AFG2A: variants seen among roughly 807,000 people sequenced by gnomAD.
AFG2A encodes the protein AAA ATPase AFG2A, also known as ATPase family gene 2 protein homolog A.
chr4:122,936,031 G>A, the AFG2A span: 8 of 1,404,886 alleles, frequency 5.7e-6, no homozygotes, highest in East Asian at 7.2e-5. Flanking sequence ...GAAAATTTAG[G>A]TTAGCTTTTA....
the AFG2A span, among the ~76,000 whole-genome samples, chr4:123,192,983 T>C: frequency 6.6e-6 from 1 of 152,234 alleles, no homozygotes; most frequent in Non-Finnish European, 1.5e-5. Context: ...AGGCATTAAC[T>C]TGTTATCTCT....
the AFG2A span, among the ~76,000 whole-genome samples, chr4:123,008,903 G>A: frequency 6.6e-6 from 1 of 152,098 alleles, no homozygotes; most frequent in African/African-American, 2.4e-5. Context: ...GATGGAGAGT[G>A]GGGGGAGGTG....
the AFG2A span, among the ~76,000 whole-genome samples, chr4:123,000,094 G>T: frequency 6.7e-6 from 1 of 149,496 alleles, no homozygotes; most frequent in Non-Finnish European, 1.5e-5. Flanking sequence ...CTCATGATTT[G>T]GCTCTCTGTT....
At chr4:122,965,684 A>G in the AFG2A span, among the ~76,000 whole-genome samples, 1 of 152,184 alleles carries the variant, frequency 6.6e-6, no homozygotes, top group Non-Finnish European at 1.5e-5. Context: ...TAAAAAATTA[A>G]CTCCAAAGTT....
chr4:122,966,939 T>C, the AFG2A span, among the ~76,000 whole-genome samples: 1 of 152,156 alleles, frequency 6.6e-6, no homozygotes, highest in Non-Finnish European at 1.5e-5. Flanking sequence ...TGAGTTAATA[T>C]TGAAAAGAGT....
At chr4:123,140,346 G>T in the AFG2A span, among the ~76,000 whole-genome samples, 4 of 151,960 alleles carry the variant, frequency 2.6e-5, no homozygotes, top group Non-Finnish European at 4.4e-5. Flanking sequence ...TAAAATTCTG[G>T]TTTTCTTCTT....
chr4:122,986,676 G>A, the AFG2A span, among the ~76,000 whole-genome samples: 2 of 152,080 alleles, frequency 1.3e-5, no homozygotes, highest in African/African-American at 4.8e-5. Flanking sequence ...GCACCAAAAT[G>A]TCACAAATCA....
chr4:123,079,685 T>C, the AFG2A span, among the ~76,000 whole-genome samples: 1 of 151,970 alleles, frequency 6.6e-6, no homozygotes. Context: ...ATTTTTTATT[T>C]CTTTACTTGA....
At chr4:123,068,279 A>G in the AFG2A span, among the ~76,000 whole-genome samples, 4 of 152,194 alleles carry the variant, frequency 2.6e-5, no homozygotes, top group African/African-American at 4.8e-5. Flanking sequence ...TTCTCAGTTC[A>G]TAAAACATTT....
the AFG2A span, among the ~76,000 whole-genome samples, chr4:122,951,962 G>A: frequency 1.3e-5 from 2 of 152,126 alleles, no homozygotes; most frequent in African/African-American, 4.8e-5. Flanking sequence ...GAGCTCAAGG[G>A]GCTATTAATG....
the AFG2A span, among the ~76,000 whole-genome samples, chr4:123,085,077 C>T: frequency 6.6e-6 from 1 of 151,650 alleles, no homozygotes; most frequent in African/African-American, 2.4e-5. Flanking sequence ...GGTCTGAAAG[C>T]AGACATTCTA....
chr4:123,209,168 AT>A, the AFG2A span, among the ~76,000 whole-genome samples: 1 of 152,234 alleles, frequency 6.6e-6, no homozygotes, highest in African/African-American at 2.4e-5. Flanking sequence ...GGGAACCCTG[AT>A]TTATAGCTCA....
chr4:122,933,540 C>CAAGG, the AFG2A span: 6 of 1,525,080 alleles, frequency 3.9e-6, no homozygotes, highest in African/African-American at 6.9e-5. Context: ...TTTTAAGCTG[C>CAAGG]AAGGCATCAG....
At chr4:123,167,180 T>C in the AFG2A span, among the ~76,000 whole-genome samples, 753 of 148,492 alleles carry the variant, frequency 5.1e-3, 5 homozygotes, top group Non-Finnish European at 7.0e-3. Flanking sequence ...TATATAAGTA[T>C]ATCATTATAT....
the AFG2A span, among the ~76,000 whole-genome samples, chr4:123,083,390 C>T: frequency 7.5e-6 from 1 of 133,772 alleles, no homozygotes; most frequent in South Asian, 2.7e-4. Flanking sequence ...TTTTCTTCAT[C>T]TATTTATATG....
chr4:122,978,039 C>A, the AFG2A span, among the ~76,000 whole-genome samples: 1 of 151,966 alleles, frequency 6.6e-6, no homozygotes, highest in South Asian at 2.1e-4. Flanking sequence ...TTTCTGTAGG[C>A]AGGTTGTCCC....
At chr4:123,017,136 GGGGAGAGGGAGAGGGGGGAGAGGGAA>G in the AFG2A span, among the ~76,000 whole-genome samples, 1 of 115,182 alleles carries the variant, frequency 8.7e-6, no homozygotes, top group African/African-American at 3.2e-5. Flanking sequence ...GGGAGACCGT[GGGGAGAGGGAGAGGGGGGAGAGGGAA>G]GGGGAGAGGG....
chr4:122,949,110 C>T, the AFG2A span, among the ~76,000 whole-genome samples: 312 of 152,246 alleles, frequency 2.0e-3, no homozygotes, highest in Non-Finnish European at 3.2e-3. Flanking sequence ...TGGGTTAGAT[C>T]GTGAGAGTCA....
the AFG2A span, among the ~76,000 whole-genome samples, chr4:123,052,045 TTCTC>T: frequency 6.6e-6 from 1 of 152,174 alleles, no homozygotes; most frequent in African/African-American, 2.4e-5. Context: ...CCCTTTGTCT[TTCTC>T]AGTTTTTTTC....
Sources: allele counts gnomAD v4.1 joint callset (sites outside exome capture counted in the v4.1 genomes callset), GRCh38; gene constraint gnomAD v4.1.1; transcripts MANE v1.5; gene names NCBI Gene and HGNC (gene_info 2026-07-23, HGNC 2026-07-21).